ANK2: variants seen among roughly 807,000 people sequenced by gnomAD.
ANK2 encodes ankyrin 2.
In ANK2, 83 loss-of-function variants were observed where a neutral mutation model predicts 360.5. That is an observed-to-expected ratio of 0.23 (90% CI 0.19 to 0.28). The LOEUF (loss-of-function observed/expected upper bound fraction) is 0.28, where lower values mean the gene tolerates loss of function less well. Among genes scored for constraint, ANK2 ranks in the 10% least tolerant of loss-of-function variants. The probability of loss-of-function intolerance (pLI) is 1.00; values close to 1 mark genes in which losing one functional copy is unlikely to be tolerated. For synonymous variants in ANK2, 1,740 were observed against 1,759.5 expected (o/e 0.99, Z 0.28); for missense variants, 4,201 against 4,795.7 (o/e 0.88, Z 3.66).
At chr4:112,937,071 C>T (rs956983563) in intron 2 of ANK2, among the ~76,000 whole-genome samples, 1 of 152,112 alleles carries the variant, frequency 6.6e-6, no homozygotes, top group African/African-American at 2.4e-5. Context: ...GAATCATAGA[C>T]ATGAGCCATC....
At chr4:113,351,864 A>G (rs183175480) in intron 37 of ANK2, among the ~76,000 whole-genome samples, 2 of 152,338 alleles carry the variant, frequency 1.3e-5, no homozygotes, top group Non-Finnish European at 2.9e-5. Context: ...AATAATCTTC[A>G]TCTAGGTATA....
intron 1 of ANK2, among the ~76,000 whole-genome samples, chr4:112,851,811 A>T (rs1488612510): frequency 1.3e-5 from 2 of 151,970 alleles, no homozygotes; most frequent in Non-Finnish European, 2.9e-5. Flanking sequence ...TTTAGTAGAG[A>T]CGAGGTTTCA....
chr4:113,357,532 G>T lies in ANK2; in HGVS notation c.8914G>T (p.Val2972Leu). ...CATCACATCCCCTGTTGAAGACGTT[G>T]TAGTGGCAAGCTCCTCTAGTGGAAC... ...VTITSPVEDV[V>L]VASSSSGTVL... The change falls in exon 38 of 46, where the codon GTA (valine) becomes TTA (leucine). Residue 2972 changes from valine (V) to leucine (L), a missense_variant. By Grantham distance (32) the Val-to-Leu change is conservative. Coordinates refer to ENST00000357077, the MANE Select transcript of ANK2 (RefSeq NM_001148.6). 2 of 1,614,128 alleles carry T rather than the reference G, an allele frequency of 1.2e-6. No homozygotes were observed. The highest frequency in any genetic ancestry group is 2.7e-5 in the African/African-American group (2 of 75,044).
At chr4:113,292,611 T>A in intron 21 of ANK2, 97 bp downstream of exon 21, 2 of 1,284,596 alleles carry the variant, frequency 1.6e-6, no homozygotes. Context: ...AGATTCCTCC[T>A]CTTTAAATAA....
chr4:112,747,831 A>G, the ANK2 span, among the ~76,000 whole-genome samples: 2 of 152,176 alleles, frequency 1.3e-5, no homozygotes, highest in Non-Finnish European at 2.9e-5. Context: ...TGTGAGATAA[A>G]AGTGAGAAGT....
Position 113,268,033 on chromosome 4 carries a change from A to T in ANK2, c.1485+3038A>T, listed in dbSNP as rs148459446. Among the ~76,000 whole-genome samples the T allele has an allele frequency of 5.4e-3, 818 of 152,272 alleles. 7 individuals are homozygous for T. Among genetic ancestry groups the T allele is most frequent in the Middle Eastern group, 0.01 (3 of 294 alleles). ...AGCAATTGTGAATGGGAATTTACTC[A>T]TAATTTGCCTCTCTGTTTGTCTATT... On this transcript the variant is annotated intron_variant, in intron 14 of 45. Transcript: ENST00000357077.
At chr4:112,959,162 A>C (rs138871810) in intron 2 of ANK2, among the ~76,000 whole-genome samples, 343 of 152,180 alleles carry the variant, frequency 2.3e-3, no homozygotes, top group Middle Eastern at 0.02. Context: ...CAGCAGATTT[A>C]TTATATGCTT....
chr4:113,245,552 G>A (rs1032279228), intron 9 of ANK2, among the ~76,000 whole-genome samples: 1 of 151,972 alleles, frequency 6.6e-6, no homozygotes, highest in Non-Finnish European at 1.5e-5. Flanking sequence ...CCAGTGAAGG[G>A]GGCAGCCCCT....
chr4:113,117,134 G>C, intron 1 of ANK2: 1 of 369,444 alleles, frequency 2.7e-6, no homozygotes, highest in Non-Finnish European at 5.3e-6. Context: ...TTATGACCTA[G>C]CTCGGGGGCG....
chr4:112,758,769 G>T, the ANK2 span, among the ~76,000 whole-genome samples: 3 of 152,112 alleles, frequency 2.0e-5, no homozygotes, highest in Admixed American at 2.0e-4. Context: ...CTGTAGTAAC[G>T]ACGCCACGGA....
intron 1 of ANK2, among the ~76,000 whole-genome samples, chr4:113,150,183 G>A (rs979306070): frequency 2.6e-5 from 4 of 152,106 alleles, no homozygotes; most frequent in African/African-American, 9.7e-5. Context: ...CTTTCACACA[G>A]GCTAATTAAG....
the ANK2 span, among the ~76,000 whole-genome samples, chr4:112,799,432 T>C: frequency 6.6e-6 from 1 of 152,204 alleles, no homozygotes; most frequent in Non-Finnish European, 1.5e-5. Flanking sequence ...TTTATATTTC[T>C]ACCAGCAGTT....
At chr4:112,954,485 G>A (rs1392653405) in intron 2 of ANK2, among the ~76,000 whole-genome samples, 1 of 152,066 alleles carries the variant, frequency 6.6e-6, no homozygotes, top group African/African-American at 2.4e-5. Context: ...TACATAGTTC[G>A]AGTATAAGCA....
At chr4:113,151,189 A>C in intron 1 of ANK2, 1 of 1,211,614 alleles carries the variant, frequency 8.3e-7, no homozygotes, top group Non-Finnish European at 1.1e-6. Context: ...AGTTTTAATT[A>C]TAACCTTCTG....
At chr4:112,848,383 A>C (rs2063829890) in intron 1 of ANK2, among the ~76,000 whole-genome samples, 1 of 152,174 alleles carries the variant, frequency 6.6e-6, no homozygotes, top group Admixed American at 6.5e-5. Flanking sequence ...GCTGGTCTCA[A>C]ACTCCTGACC....
At chr4:113,049,961 A>G in intron 1 of ANK2, 149 bp downstream of exon 1, 17 of 980,362 alleles carry the variant, frequency 1.7e-5, no homozygotes, top group South Asian at 8.4e-5. Context: ...TTAAAGAGGC[A>G]GGTGCAAACT....
At chr4:112,930,339 T>G (rs746423597) in intron 2 of ANK2, among the ~76,000 whole-genome samples, 2 of 151,744 alleles carry the variant, frequency 1.3e-5, no homozygotes, top group Non-Finnish European at 2.9e-5. Context: ...TCCCAGCTAC[T>G]TGGGAGGCTG....
chr4:112,745,733 A>G, the ANK2 span, among the ~76,000 whole-genome samples: 1 of 151,976 alleles, frequency 6.6e-6, no homozygotes, highest in Non-Finnish European at 1.5e-5. Context: ...GGGTTTCTCC[A>G]TCTTGGTCAG....
chr4:112,831,971 A>C (rs1403110785), intron 1 of ANK2, among the ~76,000 whole-genome samples: 1 of 151,720 alleles, frequency 6.6e-6, no homozygotes, highest in African/African-American at 2.4e-5. Context: ...GAAGGAAAAA[A>C]CTCCAGACGC....
Sources: allele counts gnomAD v4.1 joint callset (sites outside exome capture counted in the v4.1 genomes callset), GRCh38; gene constraint gnomAD v4.1.1; transcripts MANE v1.5; gene names NCBI Gene and HGNC (gene_info 2026-07-23, HGNC 2026-07-21).